Variants in GPATCH2 observed in about 807,000 individuals in gnomAD.
The protein encoded by GPATCH2 is G patch domain-containing protein 2.
Under a neutral mutation model 58.0 loss-of-function variants are expected in GPATCH2, and 51 were observed. The observed-to-expected ratio is 0.88, with a 90% CI of 0.70 to 1.11. GPATCH2 has a LOEUF of 1.11. Among genes scored for constraint, GPATCH2 ranks in the 50% most tolerant of loss-of-function variants. The pLI, the probability that GPATCH2 is intolerant of heterozygous loss-of-function variation, is 0.00. For missense variants in GPATCH2, 625 were observed against 652.2 expected (o/e 0.96, Z 0.45); for synonymous variants, 222 against 218.5 (o/e 1.02, Z -0.14).
At chr1:217,438,264 C>T (rs751749102) in intron 9 of GPATCH2, among the ~76,000 whole-genome samples, 37 of 152,080 alleles carry the variant, frequency 2.4e-4, no homozygotes, top group African/African-American at 4.6e-4. Flanking sequence ...GATAAATCCA[C>T]GAAGATGAAG....
chr1:217,453,942 A>C (rs1212215251), intron 8 of GPATCH2, among the ~76,000 whole-genome samples: 3 of 152,188 alleles, frequency 2.0e-5, no homozygotes, highest in Non-Finnish European at 2.9e-5. Flanking sequence ...AACAGACGTG[A>C]CTATGGGCCC....
intron 5 of GPATCH2, among the ~76,000 whole-genome samples, chr1:217,547,852 T>A (rs1665143702): frequency 6.6e-6 from 1 of 152,102 alleles, no homozygotes; most frequent in Non-Finnish European, 1.5e-5. Flanking sequence ...GGTGATTGAA[T>A]CATGGGGGTG....
At chr1:217,574,111 A>G (rs1372925597) in intron 5 of GPATCH2, among the ~76,000 whole-genome samples, 1 of 152,230 alleles carries the variant, frequency 6.6e-6, no homozygotes, top group East Asian at 1.9e-4. Context: ...TTATTCTTAG[A>G]AGTACCTAAC....
At chr1:217,458,327 T>A (rs2102483794) in intron 8 of GPATCH2, among the ~76,000 whole-genome samples, 1 of 152,194 alleles carries the variant, frequency 6.6e-6, no homozygotes, top group East Asian at 1.9e-4. Context: ...CTTGTGTATG[T>A]TAAGAAATAC....
At chr1:217,545,021 T>A (rs144595940) in intron 5 of GPATCH2, among the ~76,000 whole-genome samples, 375 of 152,156 alleles carry the variant, frequency 2.5e-3, no homozygotes, top group Non-Finnish European at 4.3e-3. Context: ...TTTCTCAACA[T>A]CTCCCTGTCT....
intron 7 of GPATCH2, among the ~76,000 whole-genome samples, chr1:217,497,407 T>TA (rs1461143812): frequency 6.6e-6 from 1 of 151,956 alleles, no homozygotes; most frequent in Non-Finnish European, 1.5e-5. Context: ...AAAAGCAAGT[T>TA]AAAAAATCAT....
At chr1:217,467,659 G>T (rs1660524440) in intron 8 of GPATCH2, among the ~76,000 whole-genome samples, 1 of 151,588 alleles carries the variant, frequency 6.6e-6, no homozygotes, top group Non-Finnish European at 1.5e-5. Flanking sequence ...TCTTGAATTT[G>T]AACTGGAACT....
chr1:217,489,100 C>CTT lies in GPATCH2; in HGVS notation c.1277+2578_1277+2579dup, dbSNP rs779967454. Among the ~76,000 whole-genome samples, 658 of 139,658 alleles carry CTT rather than the reference C, an allele frequency of 4.7e-3. 7 individuals carry two copies. Among genetic ancestry groups the CTT allele is most frequent in the African/African-American group, 0.014 (526 of 38,228 alleles). 91.6% of individuals were successfully genotyped at this position (139,658 alleles called of 152,430 possible). On this transcript the variant is annotated intron_variant, in intron 8 of 9. Transcript: ENST00000366935. ...CTCAATGCTTTTTCTTTTCTCTTCACTTTTTTTTTTTTTTGGTAGAGATGG... is the reference window on the plus strand; with the variant it reads ...CTCAATGCTTTTTCTTTTCTCTTCACTTTTTTTTTTTTTTTTGGTAGAGATGG...
At chr1:217,453,939 G>A (rs115925313) in intron 8 of GPATCH2, among the ~76,000 whole-genome samples, 3 of 152,238 alleles carry the variant, frequency 2.0e-5, no homozygotes, top group East Asian at 3.9e-4. Flanking sequence ...ACAAACAGAC[G>A]TGACTATGGG....
chr1:217,461,574 C>A (rs1660199957), intron 8 of GPATCH2, among the ~76,000 whole-genome samples: 1 of 152,060 alleles, frequency 6.6e-6, no homozygotes, highest in African/African-American at 2.4e-5. Flanking sequence ...CATGTCAAGG[C>A]TTTTTTAAAT....
intron 7 of GPATCH2, among the ~76,000 whole-genome samples, chr1:217,495,771 A>G (rs1466185710): frequency 6.6e-6 from 1 of 152,194 alleles, no homozygotes; most frequent in Non-Finnish European, 1.5e-5. Flanking sequence ...TTTTACAAAT[A>G]ACTCTTTTAA....
At position 217,473,799 on chromosome 1, in the gene GPATCH2, T is replaced by C. The variant is rs541467859; in HGVS notation, c.1277+17881A>G. 3.3e-5 allele frequency among the ~76,000 whole-genome samples: 5 copies of C among 152,290 alleles called. No individual in the cohort carries two copies. In the South Asian group the frequency reaches 1.0e-3, roughly 32 times the overall value. On this transcript the variant is annotated intron_variant, in intron 8 of 9. Coordinates refer to ENST00000366935, the MANE Select transcript of GPATCH2 (RefSeq NM_018040.5). ...CTCAGGAAAACACATCAAATGAATA[T>C]ATGAAAATAATGTCATGATGACAAT...
chr1:217,577,609 G>GA (rs1056076797), intron 5 of GPATCH2, among the ~76,000 whole-genome samples: 1 of 152,086 alleles, frequency 6.6e-6, no homozygotes, highest in Non-Finnish European at 1.5e-5. Flanking sequence ...TTTGTCTACA[G>GA]AAAAAATTCA....
intron 5 of GPATCH2, among the ~76,000 whole-genome samples, chr1:217,527,584 AG>A (rs1663977653): frequency 6.6e-6 from 1 of 151,716 alleles, no homozygotes; most frequent in Admixed American, 6.6e-5. Flanking sequence ...TTTCTATGTC[AG>A]GAGGGAAACA....
intron 8 of GPATCH2, among the ~76,000 whole-genome samples, chr1:217,466,465 T>TC (rs1288959348): frequency 2.0e-5 from 3 of 152,082 alleles, no homozygotes; most frequent in Non-Finnish European, 2.9e-5. Flanking sequence ...GCTCAAGCTA[T>TC]CCCTCTGCCT....
intron 5 of GPATCH2, among the ~76,000 whole-genome samples, chr1:217,521,946 CAT>C (rs1313379399): frequency 1.3e-5 from 2 of 152,090 alleles, no homozygotes; most frequent in African/African-American, 4.8e-5. Context: ...TGAATAAAGA[CAT>C]AGACTTCAGT....
At chr1:217,573,380 T>C (rs1022925813) in intron 5 of GPATCH2, among the ~76,000 whole-genome samples, 21 of 152,272 alleles carry the variant, frequency 1.4e-4, no homozygotes, top group Non-Finnish European at 2.8e-4. Flanking sequence ...AGTAACAGCA[T>C]TTTATGTGAG....
At chr1:217,540,964 A>T (rs962087461) in intron 5 of GPATCH2, among the ~76,000 whole-genome samples, 1 of 152,230 alleles carries the variant, frequency 6.6e-6, no homozygotes, top group Non-Finnish European at 1.5e-5. Context: ...ATGAGAGTAC[A>T]TAAGAGCCAG....
intron 5 of GPATCH2, among the ~76,000 whole-genome samples, chr1:217,553,340 T>C (rs1339511333): frequency 6.6e-6 from 1 of 152,124 alleles, no homozygotes; most frequent in Non-Finnish European, 1.5e-5. Context: ...ACAGACTCTA[T>C]TCTGCACTTT....
Sources: allele counts gnomAD v4.1 joint callset (sites outside exome capture counted in the v4.1 genomes callset), GRCh38; gene constraint gnomAD v4.1.1; transcripts MANE v1.5; gene names NCBI Gene and HGNC (gene_info 2026-07-23, HGNC 2026-07-21).